The following HIBADH variants were observed in gnomAD, a reference collection of about 807,000 sequenced individuals.
HIBADH encodes 3-hydroxyisobutyrate dehydrogenase, mitochondrial.
A neutral mutation model predicts 36.1 loss-of-function variants in HIBADH; 25 were observed. That is an observed-to-expected ratio of 0.69 (90% confidence interval 0.50 to 0.97). The LOEUF is 0.97. Ranked by LOEUF, HIBADH falls within the 50% of genes least tolerant of loss-of-function variation. The pLI is 0.00. For missense variants in HIBADH, 421 were observed against 418.0 expected (o/e 1.01, Z -0.06); for synonymous variants, 160 against 149.5 (o/e 1.07, Z -0.51).
At chr7:27,615,526 G>C (rs1271044140) in intron 4 of HIBADH, among the ~76,000 whole-genome samples, 1 of 152,086 alleles carries the variant, frequency 6.6e-6, no homozygotes, top group Non-Finnish European at 1.5e-5. Flanking sequence ...TCAATGACAG[G>C]CTGCATATAC....
intron 5 of HIBADH, among the ~76,000 whole-genome samples, chr7:27,540,088 T>C (rs535452152): frequency 8.0e-4 from 121 of 152,174 alleles, no homozygotes; most frequent in Middle Eastern, 3.4e-3. Flanking sequence ...TTTATGGAAA[T>C]TGTAATTTCT....
At chr7:27,629,756 T>C (rs1336916681) in intron 3 of HIBADH, among the ~76,000 whole-genome samples, 1 of 152,166 alleles carries the variant, frequency 6.6e-6, no homozygotes, top group Non-Finnish European at 1.5e-5. Flanking sequence ...TAAATTCTGA[T>C]TTCAGATGAA....
intron 4 of HIBADH, among the ~76,000 whole-genome samples, chr7:27,591,462 A>G (rs919809837): frequency 1.3e-5 from 2 of 152,048 alleles, no homozygotes; most frequent in Non-Finnish European, 2.9e-5. Flanking sequence ...GAGGTAGAAG[A>G]ATGGTGTGAA....
chr7:27,568,093 G>C (rs983376065), intron 4 of HIBADH, among the ~76,000 whole-genome samples: 1 of 151,844 alleles, frequency 6.6e-6, no homozygotes, highest in Admixed American at 6.6e-5. Flanking sequence ...CTTAAAAGTA[G>C]AAAAAATACT....
At chr7:27,610,394 T>C (rs1266552202) in intron 4 of HIBADH, among the ~76,000 whole-genome samples, 1 of 152,182 alleles carries the variant, frequency 6.6e-6, no homozygotes, top group Non-Finnish European at 1.5e-5. Flanking sequence ...TGGTGGTGGT[T>C]GCTTTGTGGT....
intron 5 of HIBADH, 62 bp from the exon 6 acceptor site, chr7:27,538,479 T>C: frequency 2.1e-6 from 3 of 1,421,004 alleles, no homozygotes; most frequent in Middle Eastern, 3.5e-4. Context: ...CACAGGACGT[T>C]TTTCCTTGCC....
intron 4 of HIBADH, among the ~76,000 whole-genome samples, chr7:27,576,692 A>G (rs977730955): frequency 6.6e-6 from 1 of 152,184 alleles, no homozygotes; most frequent in Non-Finnish European, 1.5e-5. Context: ...TCCTATACTT[A>G]GCTCCTTAAA....
chr7:27,533,591 C>T (rs1442214204), intron 6 of HIBADH, among the ~76,000 whole-genome samples: 1 of 152,132 alleles, frequency 6.6e-6, no homozygotes, highest in African/African-American at 2.4e-5. Flanking sequence ...TAAAATTAGA[C>T]ATGATATTAA....
chr7:27,641,661 A>G (rs2128295883), intron 2 of HIBADH, among the ~76,000 whole-genome samples: 1 of 152,344 alleles, frequency 6.6e-6, no homozygotes. Context: ...GAACGTATTC[A>G]TCCAAATTAA....
At chr7:27,528,245 T>G (rs1468599606) in intron 7 of HIBADH, among the ~76,000 whole-genome samples, 1 of 152,064 alleles carries the variant, frequency 6.6e-6, no homozygotes, top group Non-Finnish European at 1.5e-5. Flanking sequence ...ATATTGAAAT[T>G]AGGCCAATTA....
At chr7:27,644,715 A>T (rs544488478) in intron 2 of HIBADH, among the ~76,000 whole-genome samples, 108 of 152,128 alleles carry the variant, frequency 7.1e-4, no homozygotes, top group African/African-American at 2.4e-3. Context: ...CAGTAGGCCA[A>T]GATCGCACCA....
intron 4 of HIBADH, among the ~76,000 whole-genome samples, chr7:27,614,163 C>T (rs1785384393): frequency 6.6e-6 from 1 of 152,078 alleles, no homozygotes; most frequent in African/African-American, 2.4e-5. Context: ...GTATGTTTTT[C>T]TAAATTCTAA....
At chr7:27,538,675 C>T (rs981910618) in intron 5 of HIBADH, among the ~76,000 whole-genome samples, 22 of 152,204 alleles carry the variant, frequency 1.4e-4, no homozygotes, top group Non-Finnish European at 2.9e-4. Flanking sequence ...ATAGCTACTA[C>T]GGGCTCAGCA....
chr7:27,661,916 C>T (rs1435902454), intron 1 of HIBADH, among the ~76,000 whole-genome samples: 1 of 152,112 alleles, frequency 6.6e-6, no homozygotes, highest in African/African-American at 2.4e-5. Flanking sequence ...GGCCTCATGT[C>T]CCTCGTGCGG....
At chr7:27,630,425 G>A (rs963415287) in intron 3 of HIBADH, among the ~76,000 whole-genome samples, 3 of 152,092 alleles carry the variant, frequency 2.0e-5, no homozygotes, top group African/African-American at 7.2e-5. Context: ...ACAGGTGTGA[G>A]CTACTGTGCC....
At chr7:27,577,782 T>A (rs1206364822) in intron 4 of HIBADH, among the ~76,000 whole-genome samples, 1 of 152,126 alleles carries the variant, frequency 6.6e-6, no homozygotes, top group East Asian at 1.9e-4. Context: ...TCCAAAAAAA[T>A]TTGAGATGTA....
chr7:27,655,749 A>C (rs1021162685), intron 1 of HIBADH, among the ~76,000 whole-genome samples: 3 of 151,922 alleles, frequency 2.0e-5, no homozygotes, highest in African/African-American at 7.2e-5. Context: ...TATGTAAATT[A>C]CCCCCCAGAA....
At chr7:27,657,117 T>C (rs1290278573) in intron 1 of HIBADH, among the ~76,000 whole-genome samples, 1 of 151,766 alleles carries the variant, frequency 6.6e-6, no homozygotes, top group African/African-American at 2.4e-5. Context: ...AAACAAGAGA[T>C]TAATGAAAGC....
At position 27,602,171 on chromosome 7, in the gene HIBADH, GA is replaced by G. The variant is rs35840171; in HGVS notation, c.484+27199del. Among the ~76,000 whole-genome samples the G allele has an allele frequency of 7.9e-3, 1,056 of 133,616 alleles. 4 individuals are homozygous for G. The highest frequency in any genetic ancestry group is 0.022 in the African/African-American group (814 of 36,304). 87.7% of individuals were successfully genotyped at this position (133,616 alleles called of 152,430 possible). A position where few individuals can be genotyped will look rare whatever the true frequency, so the allele number is the denominator to read the frequency against. On this transcript the variant is annotated intron_variant, in intron 4 of 7. Transcript: ENST00000265395. ...CTTCCTGAGACTCAACTTCCTCACTGAAAAAAAAAAAAAGAGGATAATCTGC... is the reference window on the plus strand; with the variant it reads ...CTTCCTGAGACTCAACTTCCTCACTGAAAAAAAAAAAAGAGGATAATCTGC...
Sources: allele counts gnomAD v4.1 joint callset (sites outside exome capture counted in the v4.1 genomes callset), GRCh38; gene constraint gnomAD v4.1.1; transcripts MANE v1.5; gene names NCBI Gene and HGNC (gene_info 2026-07-23, HGNC 2026-07-21).